Variants in MYOC observed in about 807,000 individuals in gnomAD.
MYOC encodes juvenile-onset open-angle glaucoma 1.
In MYOC, 29 loss-of-function variants were observed where a neutral mutation model predicts 28.2. That is an observed-to-expected ratio of 1.03 (90% CI 0.77 to 1.40). The LOEUF (loss-of-function observed/expected upper bound fraction) is 1.40. Among genes scored for constraint, MYOC ranks in the 40% most tolerant of loss-of-function variants. The pLI, the probability that MYOC is intolerant of heterozygous loss-of-function variation, is 0.00. For missense variants in MYOC, 569 were observed against 620.6 expected (o/e 0.92, Z 0.88); for synonymous variants, 240 against 245.6 (o/e 0.98, Z 0.21).
At position 171,652,031 on chromosome 1, in the gene MYOC, G is replaced by A; in HGVS notation, c.581C>T (p.Ala194Val). ...QCPQTRDTAR[A>V]VPPGSREVST... The stretch of plus-strand genomic sequence containing the variant: ...ACCTTCTCTGGAGCCTGGTGGCACA[G>A]CCCGAGCAGTGTCTCGGGTCTGGGG... The change falls in exon 1 of 3, where the codon GCT (alanine) becomes GTT (valine). Residue 194 changes from alanine (A) to valine (V), a missense_variant. Transcript: ENST00000037502. 2 of 1,614,196 alleles carry A rather than the reference G, an allele frequency of 1.2e-6. No individual in the cohort carries two copies. Among genetic ancestry groups the A allele is most frequent in the Non-Finnish European group, 1.7e-6 (2 of 1,180,032 alleles).
rs538112126 is a variant in MYOC, at chr1:171,646,523, G to T, written c.604+5485C>A. 8.7e-5 allele frequency among the ~76,000 whole-genome samples: 13 copies of T among 148,918 alleles called. No homozygotes were observed. The East Asian group carries it at 2.4e-3, about 27-fold the overall frequency. On this transcript the variant is annotated intron_variant, in intron 1 of 2. Coordinates refer to ENST00000037502, the MANE Select transcript of MYOC (RefSeq NM_000261.2). The stretch of plus-strand genomic sequence containing the variant: ...TTTGTTTTTTTTTTTTTGAGACAGG[G>T]TCTCGCTCTGTCACCCAGGCTGGAG...
chr1:171,650,690 A>T (rs967912042), intron 1 of MYOC, among the ~76,000 whole-genome samples: 5 of 152,148 alleles, frequency 3.3e-5, no homozygotes, highest in Admixed American at 1.3e-4. Context: ...TTTTCTCATA[A>T]TTTTAAAGCT....
rs74403899 is a variant in MYOC, at chr1:171,635,852, C to G, written c.*73G>C. The G allele has an allele frequency of 6.6e-4, 1,025 of 1,552,248 alleles. 16 individuals are homozygous for G. In the East Asian group the frequency reaches 0.022, roughly 33 times the overall value. On this transcript the variant is annotated 3_prime_UTR_variant, in exon 3 of 3. Transcript: ENST00000037502. ...CTGCCTGGGCCCTGGCTGGCTGGCT[C>G]TCCCTTCAGCCTGCTCCCCCCAGGA...
chr1:171,646,537 C>A (rs1485909684), intron 1 of MYOC, among the ~76,000 whole-genome samples: 1 of 149,112 alleles, frequency 6.7e-6, no homozygotes, highest in Non-Finnish European at 1.5e-5. Flanking sequence ...CGCTCTGTCA[C>A]CCAGGCTGGA....
At chr1:171,650,862 A>G (rs939758476) in intron 1 of MYOC, among the ~76,000 whole-genome samples, 13 of 152,158 alleles carry the variant, frequency 8.5e-5, no homozygotes, top group Non-Finnish European at 4.4e-5. Flanking sequence ...ACCATTTGAG[A>G]GCAAATTGCA....
intron 1 of MYOC, among the ~76,000 whole-genome samples, chr1:171,644,896 C>A (rs1192614278): frequency 6.6e-6 from 1 of 152,156 alleles, no homozygotes; most frequent in Admixed American, 6.5e-5. Flanking sequence ...AAGTAACATG[C>A]CCAAGGTCAC....
In MYOC at chr1:171,635,928, C is replaced by T; in HGVS notation, c.1512G>A (p.Met504Ile). The stretch of plus-strand genomic sequence containing the variant: ...GCCTGTACAGCTTGGAGGCTTTTCA[C>T]ATCTTGGAGAGCTTGATGTCATAAG... Reference protein sequence around the residue: ...MVTYDIKLSKM With the variant: ...MVTYDIKLSKI Residue 504 changes from methionine to isoleucine, a missense_variant, in exon 3 of 3, where the codon ATG becomes ATA. Met to Ile is a conservative substitution (Grantham distance 10). Transcript: ENST00000037502. 1 of 1,614,158 alleles carries T rather than the reference C, an allele frequency of 6.2e-7. No homozygotes were observed. Among genetic ancestry groups the T allele is most frequent in the Non-Finnish European group, 8.5e-7 (1 of 1,180,036 alleles).
intron 1 of MYOC, among the ~76,000 whole-genome samples, chr1:171,643,926 G>T (rs1333892593): frequency 7.1e-6 from 1 of 141,174 alleles, no homozygotes; most frequent in Non-Finnish European, 1.5e-5. Context: ...AGCTGAGATT[G>T]TGCCATTGGA....
chr1:171,643,491 G>C (rs1219372641), intron 1 of MYOC: 1 of 152,320 alleles, frequency 6.6e-6, no homozygotes, highest in Non-Finnish European at 1.5e-5. Flanking sequence ...GGCCCTGCCA[G>C]CCTCCTGCAA....
chr1:171,651,825 C>T (rs2102951091), intron 1 of MYOC, among the ~76,000 whole-genome samples, 183 bp downstream of exon 1: 1 of 152,320 alleles, frequency 6.6e-6, no homozygotes, highest in East Asian at 1.9e-4. Context: ...ATGAAGCTCT[C>T]AGGAGCTAAA....
chr1:171,652,668 G>A lies in MYOC; in HGVS notation c.-57C>T. On this transcript the variant is annotated 5_prime_UTR_variant, in exon 1 of 3. Coordinates refer to ENST00000037502, the MANE Select transcript of MYOC (RefSeq NM_000261.2). ...GCTCTGCTGTGCTGAGAGGTGCCTG[G>A]ATGGGTGGCCTTGCTGGCTCATGCC... The A allele has an allele frequency of 3.7e-6, 6 of 1,610,310 alleles. No individual in the cohort carries two copies. Among genetic ancestry groups the A allele is most frequent in the Non-Finnish European group, 5.1e-6 (6 of 1,179,460 alleles).
At chr1:171,644,585 T>C (rs1653155188) in intron 1 of MYOC, among the ~76,000 whole-genome samples, 1 of 151,804 alleles carries the variant, frequency 6.6e-6, no homozygotes, top group South Asian at 2.1e-4. Flanking sequence ...AGCTTTTTTT[T>C]TTTTTTTTTT....
Position 171,652,468 on chromosome 1 carries a change from C to A in MYOC, c.144G>T (p.Gln48His), listed in dbSNP as rs74315339. ...RKANDQSGRC[Q>H]YTFSVASPNE... ...TGGGACTGGCCACACTGAAGGTATA[C>A]TGGCATCGGCCACTCTGGTCATTGG... Residue 48 changes from glutamine to histidine, a missense_variant, in exon 1 of 3, where the codon CAG (glutamine) becomes CAT (histidine). Physicochemically the swap from Gln to His is conservative, Grantham distance 24 (BLOSUM62 0). Transcript: ENST00000037502. 774 of 1,614,246 alleles carry A rather than the reference C, an allele frequency of 4.8e-4. 11 individuals carry two copies. In the South Asian group the frequency reaches 8.0e-3, roughly 17 times the overall value.
Position 171,652,448 on chromosome 1 carries a change from C to T in MYOC, c.164G>A (p.Ser55Asn). ...CTCTGGGCAGCTGGATTCATTGGGA[C>T]TGGCCACACTGAAGGTATACTGGCA... ...GRCQYTFSVA[S>N]PNESSCPEQS... The change falls in exon 1 of 3, where the codon AGT becomes AAT. Residue 55 changes from serine to asparagine, a missense_variant. By Grantham distance (46) the Ser-to-Asn change is conservative. Coordinates refer to ENST00000037502, the MANE Select transcript of MYOC (RefSeq NM_000261.2). 2 of 1,614,220 alleles carry T rather than the reference C, an allele frequency of 1.2e-6. No individual in the cohort carries two copies. The highest frequency in any genetic ancestry group is 1.7e-6 in the Non-Finnish European group (2 of 1,180,044).
At chr1:171,641,406 G>A (rs1249049198) in intron 1 of MYOC, among the ~76,000 whole-genome samples, 1 of 152,054 alleles carries the variant, frequency 6.6e-6, no homozygotes, top group Non-Finnish European at 1.5e-5. Context: ...TTAGGATTGG[G>A]GAGTTTGAAT....
At chr1:171,646,455 ATAGT>A (rs1464233834) in intron 1 of MYOC, among the ~76,000 whole-genome samples, 2 of 151,666 alleles carry the variant, frequency 1.3e-5, no homozygotes, top group Non-Finnish European at 2.9e-5. Flanking sequence ...ACTGTGTCAG[ATAGT>A]TAGCATTTTT....
rs140967767 is a variant in MYOC at position 171,636,106 on chromosome 1, G to A, written c.1334C>T (p.Ala445Val). Residue 445 changes from alanine (A) to valine (V), a missense_variant, in exon 3 of 3, where the codon GCA becomes GTA. Physicochemically the swap from Ala to Val is moderately conservative, Grantham distance 64. Transcript: ENST00000037502. ...TLYTVSSYTS[A>V]DATVNFAYDT... Reference sequence around the variant, plus strand: ...ATAAGCAAAGTTGACGGTAGCATCTGCTGAGGTGTAGCTGCTGACGGTGTA... The same window carrying A: ...ATAAGCAAAGTTGACGGTAGCATCTACTGAGGTGTAGCTGCTGACGGTGTA... The A allele has an allele frequency of 3.7e-4, 594 of 1,614,210 alleles. No individual in the cohort carries two copies. Among genetic ancestry groups the A allele is most frequent in the Non-Finnish European group, 4.7e-4 (559 of 1,180,044 alleles).
At position 171,636,123 on chromosome 1, in the gene MYOC, G is replaced by A. The variant is rs2234928; in HGVS notation, c.1317C>T (p.Val439=). The A allele has an allele frequency of 2.8e-4, 457 of 1,614,080 alleles. 1 individual carries two copies. The highest frequency in any genetic ancestry group is 2.2e-4 in the Non-Finnish European group (260 of 1,180,050). Reference sequence around the variant, plus strand: ...TAGCATCTGCTGAGGTGTAGCTGCTGACGGTGTACAAGGTGCCACAGATGA... The same window carrying A: ...TAGCATCTGCTGAGGTGTAGCTGCTAACGGTGTACAAGGTGCCACAGATGA... The part of the protein sequence containing the change: ...AFIICGTLYT[V]SSYTSADATV... Residue 439 remains valine (V), a synonymous_variant, in exon 3 of 3, where the codon GTC becomes GTT. Coordinates refer to ENST00000037502, the MANE Select transcript of MYOC (RefSeq NM_000261.2).
rs191583205 is a variant in MYOC, at chr1:171,638,508, G to T, written c.730+89C>A. 181 of 1,499,032 alleles carry T rather than the reference G, an allele frequency of 1.2e-4. 2 individuals carry two copies. Among genetic ancestry groups the T allele is most frequent in the Non-Finnish European group, 1.5e-4 (167 of 1,082,580 alleles). The allele number at this position is 1,499,032 out of a possible 1,614,324, so 92.9% of individuals were successfully genotyped here. On this transcript the variant is annotated intron_variant, in intron 2 of 2. Transcript: ENST00000037502. ...GGAAGTTAATTTCCCCCTTGGGTGG[G>T]CATTTACCCTATACTGATTCTCTGA...
Sources: gnomAD v4.1 joint callset for allele counts (sites outside exome capture counted in the v4.1 genomes callset) on GRCh38, gnomAD v4.1.1 for gene constraint, MANE v1.5 for transcripts, NCBI Gene and HGNC (gene_info 2026-07-23, HGNC 2026-07-21) for gene names.